Variants in PRKAB2 observed in about 807,000 individuals in gnomAD.
PRKAB2 encodes protein kinase AMP-activated non-catalytic subunit beta 2, also known as 5'-AMP-activated protein kinase subunit beta-2.
A neutral mutation model predicts 29.8 loss-of-function variants in PRKAB2; 18 were observed. The observed-to-expected ratio is 0.60, with a 90% CI of 0.42 to 0.89. PRKAB2 has a LOEUF of 0.89. PRKAB2 is among the 40% of genes least tolerant of loss of function. PRKAB2 has a pLI of 0.00. For synonymous variants in PRKAB2, 136 were observed against 125.9 expected, an observed-to-expected ratio of 1.08 and a Z score of -0.54; for missense variants, 270 against 344.3, an observed-to-expected ratio of 0.78 and a Z score of 1.71.
chr1:147,161,291 T>C (rs1447427175), intron 7 of PRKAB2, among the ~76,000 whole-genome samples: 15 of 152,134 alleles, frequency 9.9e-5, no homozygotes, highest in African/African-American at 3.4e-4. Context: ...TGCAAGCACC[T>C]GAGTATATAT....
intron 2 of PRKAB2, among the ~76,000 whole-genome samples, chr1:147,170,631 G>A (rs1553914229): frequency 6.6e-6 from 1 of 152,056 alleles, no homozygotes; most frequent in East Asian, 1.9e-4. Context: ...CCAGGCTGGA[G>A]TGCAGTGGTT....
intron 2 of PRKAB2, among the ~76,000 whole-genome samples, chr1:147,170,599 TTTTG>T (rs1553914221): frequency 3.9e-4 from 59 of 152,202 alleles, no homozygotes; most frequent in African/African-American, 1.4e-3. Flanking sequence ...TTTTTTGTTT[TTTTG>T]TTTTGAGAGT....
chr1:147,165,193 T>C (rs76002503), intron 5 of PRKAB2, among the ~76,000 whole-genome samples: 2,895 of 152,212 alleles, frequency 0.019, 77 homozygotes, highest in African/African-American at 0.066. Context: ...ACCCAGCTAA[T>C]TTTTCGTATT....
rs371592605 is a variant in PRKAB2, at chr1:147,162,419, A to C, written c.672+21T>G. On this transcript the variant is annotated intron_variant, in intron 6 of 7. Transcript: ENST00000254101. ...GGTCCTAGACACCCCCAGATGCCCCAGTAATACTCAGGATACTCACAGAAA... is the reference window on the plus strand; with the variant it reads ...GGTCCTAGACACCCCCAGATGCCCCCGTAATACTCAGGATACTCACAGAAA... 8 of 1,604,052 alleles carry C rather than the reference A, an allele frequency of 5.0e-6. No homozygotes were observed. The African/African-American group carries it at 9.4e-5, about 19-fold the overall frequency.
rs1183208945 is a variant in PRKAB2, at chr1:147,155,318, TAA to T, written c.*4245_*4246del. 6 of 152,650 alleles carry T rather than the reference TAA, an allele frequency of 3.9e-5. No homozygotes were observed. The highest frequency in any genetic ancestry group is 1.2e-4 in the African/African-American group (5 of 41,542). 9.5% of individuals were successfully genotyped at this position (152,650 alleles called of 1,614,324 possible). The stretch of plus-strand genomic sequence containing the variant: ...CATTAAAGGTTACAAAAAGCACCAT[TAA>T]AAAGAGGACTCACATATTTAATTCC... On this transcript the variant is annotated 3_prime_UTR_variant, in exon 8 of 8. Transcript: ENST00000254101.
chr1:147,161,682 G>A (rs782501670), intron 7 of PRKAB2, 30 bp downstream of exon 7: 3 of 1,565,246 alleles, frequency 1.9e-6, no homozygotes, highest in South Asian at 1.1e-5. Flanking sequence ...ATTCCAGGGA[G>A]CTCTGTGAAG....
chr1:147,172,433 G>T lies in PRKAB2; in HGVS notation c.-28C>A. On this transcript the variant is annotated 5_prime_UTR_variant, in exon 1 of 8. Coordinates refer to ENST00000254101, the MANE Select transcript of PRKAB2 (RefSeq NM_005399.5). ...GGGCGCCCCCACTCCAGTCACCTCG[G>T]GCGATGCGCTCCCTCCTCCAAGGGC... 1 of 499,026 alleles carries T rather than the reference G, an allele frequency of 2.0e-6. No homozygotes were observed. Among genetic ancestry groups the T allele is most frequent in the Non-Finnish European group, 3.5e-6 (1 of 284,018 alleles). The allele number at this position is 499,026 out of a possible 1,614,324, so 30.9% of individuals were successfully genotyped here. A position where few individuals can be genotyped will look rare whatever the true frequency, so the allele number is the denominator to read the frequency against.
chr1:147,156,885 A>G lies in PRKAB2; in HGVS notation c.*2680T>C, dbSNP rs1553912502. 8 of 152,104 alleles carry G rather than the reference A, an allele frequency of 5.3e-5. No individual in the cohort carries two copies. The highest frequency in any genetic ancestry group is 1.9e-4 in the African/African-American group (8 of 41,432). The allele number at this position is 152,104 out of a possible 1,614,324, so 9.4% of individuals were successfully genotyped here. A position where few individuals can be genotyped will look rare whatever the true frequency, so the allele number is the denominator to read the frequency against. ...GTCTGATTTAATTTCTTTTTAAAAGAGATCATTTTCAGTTGTAAGTTACTC... is the reference window on the plus strand; with the variant it reads ...GTCTGATTTAATTTCTTTTTAAAAGGGATCATTTTCAGTTGTAAGTTACTC... On this transcript the variant is annotated 3_prime_UTR_variant, in exon 8 of 8. Coordinates refer to ENST00000254101, the MANE Select transcript of PRKAB2 (RefSeq NM_005399.5).
intron 5 of PRKAB2, among the ~76,000 whole-genome samples, chr1:147,163,685 G>A (rs1461119558): frequency 6.6e-6 from 1 of 152,142 alleles, no homozygotes; most frequent in Non-Finnish European, 1.5e-5. Context: ...CAGGGACGGA[G>A]GGGAGGAGGG....
chr1:147,166,832 G>A lies in PRKAB2; in HGVS notation c.417+14C>T, dbSNP rs1553913762. The A allele has an allele frequency of 1.2e-6, 2 of 1,607,256 alleles. No individual in the cohort carries two copies. The highest frequency in any genetic ancestry group is 2.7e-5 in the African/African-American group (2 of 74,746). On this transcript the variant is annotated intron_variant, in intron 4 of 7. Transcript: ENST00000254101. The stretch of plus-strand genomic sequence containing the variant: ...TGCTAAGTCAATGGTTACCCTTGGA[G>A]ATCAAGGCCTTACCTCTGATGGATC...
rs1379970361 is a variant in PRKAB2, at chr1:147,156,581, T to A, written c.*2984A>T. 1 of 152,120 alleles carries A rather than the reference T, an allele frequency of 6.6e-6. No homozygotes were observed. Among genetic ancestry groups the A allele is most frequent in the Non-Finnish European group, 1.5e-5 (1 of 68,018 alleles). The allele number at this position is 152,120 out of a possible 1,614,324, so 9.4% of individuals were successfully genotyped here. A position where few individuals can be genotyped will look rare whatever the true frequency, so the allele number is the denominator to read the frequency against. On this transcript the variant is annotated 3_prime_UTR_variant, in exon 8 of 8. Coordinates refer to ENST00000254101, the MANE Select transcript of PRKAB2 (RefSeq NM_005399.5). ...ACATACGTTTTAAAAGCCAACACTA[T>A]TGAGGTTAGGTATGCCCTTCAGGGG...
At chr1:147,161,661 C>T (rs781981097) in intron 7 of PRKAB2, 51 bp downstream of exon 7, 2 of 1,485,540 alleles carry the variant, frequency 1.3e-6, no homozygotes, top group Non-Finnish European at 1.9e-6. Flanking sequence ...GTATGTTACC[C>T]TTGACCTCTC....
At chr1:147,162,606 T>G in intron 5 of PRKAB2, 33 bp from the exon 6 acceptor site, 2 of 1,577,056 alleles carry the variant, frequency 1.3e-6, no homozygotes, top group South Asian at 1.2e-5. Context: ...TGAGAAAGAG[T>G]TGGAGAATTA....
chr1:147,163,418 T>A (rs1487944835), intron 5 of PRKAB2, among the ~76,000 whole-genome samples: 1 of 152,162 alleles, frequency 6.6e-6, no homozygotes, highest in African/African-American at 2.4e-5. Flanking sequence ...GCATTATTTA[T>A]AATAGCCAAA....
rs1553914469 is a variant in PRKAB2, at chr1:147,172,003, G to A, written c.142C>T (p.Leu48Phe). The change falls in exon 2 of 8, where the codon CTC becomes TTC. Residue 48 changes from leucine to phenylalanine, a missense_variant. Transcript: ENST00000254101. ...GGGACGCTTACCTTGGAGTCAGGGA[G>A]GCTGAACACGCTGGGGTCGTCCGTA... ...GSTDDPSVFSLPDSKLPGDKE... is the reference protein window; with the variant it reads ...GSTDDPSVFSFPDSKLPGDKE... The A allele has an allele frequency of 6.2e-7, 1 of 1,601,452 alleles. No individual in the cohort carries two copies. Among genetic ancestry groups the A allele is most frequent in the Non-Finnish European group, 8.5e-7 (1 of 1,174,796 alleles).
At chr1:147,166,421 A>G in intron 5 of PRKAB2, 77 bp downstream of exon 5, 1 of 1,461,390 alleles carries the variant, frequency 6.8e-7, no homozygotes, top group Non-Finnish European at 9.4e-7. Flanking sequence ...CTCTATATGT[A>G]TATACACACA....
At chr1:147,164,283 AG>A (rs1553913430) in intron 5 of PRKAB2, among the ~76,000 whole-genome samples, 1 of 152,176 alleles carries the variant, frequency 6.6e-6, no homozygotes, top group Non-Finnish European at 1.5e-5. Context: ...GAGTGAATAT[AG>A]GTAACAATAA....
intron 7 of PRKAB2, 128 bp from the exon 8 acceptor site, chr1:147,159,770 A>G (rs1653864036): frequency 2.4e-6 from 2 of 818,450 alleles, no homozygotes; most frequent in Admixed American, 2.4e-5. Context: ...AGGAGGTCAA[A>G]TAAGTTTTAG....
rs1357729376 is a variant in PRKAB2, at chr1:147,158,014, GT to G, written c.*1550del. 1 of 152,114 alleles carries G rather than the reference GT, an allele frequency of 6.6e-6. No homozygotes were observed. The highest frequency in any genetic ancestry group is 1.5e-5 in the Non-Finnish European group (1 of 68,022). 9.4% of individuals were successfully genotyped at this position (152,114 alleles called of 1,614,324 possible). Reference sequence around the variant, plus strand: ...AGGAGGTAGCTAAACTGACCTGTAGGTGCCCTTTCAGTGTGGCTAGGGTCAT... The same window carrying G: ...AGGAGGTAGCTAAACTGACCTGTAGGGCCCTTTCAGTGTGGCTAGGGTCAT... On this transcript the variant is annotated 3_prime_UTR_variant, in exon 8 of 8. Transcript: ENST00000254101.
Sources: allele counts gnomAD v4.1 joint callset (sites outside exome capture counted in the v4.1 genomes callset), GRCh38; gene constraint gnomAD v4.1.1; transcripts MANE v1.5; gene names NCBI Gene and HGNC (gene_info 2026-07-23, HGNC 2026-07-21).